Variants in TCF7L2 observed in about 807,000 individuals in gnomAD.
TCF7L2 encodes the protein transcription factor 7 like 2, also known as transcription factor 7-like 2.
In TCF7L2, 23 loss-of-function variants were observed where a neutral mutation model predicts 77.9. The ratio of observed to expected loss-of-function variants is 0.30; its 90% CI spans 0.21 to 0.42. The LOEUF is 0.42. TCF7L2 is among the 10% of genes least tolerant of loss of function. The pLI is 1.00. For synonymous variants in TCF7L2, 413 were observed against 340.2 expected (o/e 1.21, Z -2.36); for missense variants, 654 against 793.1 (o/e 0.82, Z 2.11).
chr10:113,104,025 C>T (rs990406987), intron 5 of TCF7L2, among the ~76,000 whole-genome samples: 4 of 152,126 alleles, frequency 2.6e-5, no homozygotes, highest in Admixed American at 6.5e-5. Context: ...ATAAGTTGTT[C>T]GCTTCACTCC....
chr10:113,155,308 A>T (rs971497553), intron 11 of TCF7L2, among the ~76,000 whole-genome samples: 4 of 152,282 alleles, frequency 2.6e-5, no homozygotes, highest in Admixed American at 6.5e-5. Flanking sequence ...TACACTGGGT[A>T]AAGGATAGAG....
intron 4 of TCF7L2, among the ~76,000 whole-genome samples, chr10:113,027,944 G>A (rs904044638): frequency 1.3e-5 from 2 of 152,186 alleles, no homozygotes; most frequent in African/African-American, 4.8e-5. Flanking sequence ...TAGACCCGTC[G>A]GGTCTGCAGT....
chr10:113,082,757 C>G (rs1403785793), intron 5 of TCF7L2, among the ~76,000 whole-genome samples: 1 of 152,092 alleles, frequency 6.6e-6, no homozygotes, highest in Non-Finnish European at 1.5e-5. Flanking sequence ...AAGGTCCTAA[C>G]AAACCCGCCC....
At chr10:113,157,841 G>A in intron 11 of TCF7L2, 180 bp from the exon 12 acceptor site, 1 of 597,946 alleles carries the variant, frequency 1.7e-6, no homozygotes, top group Non-Finnish European at 3.0e-6. Context: ...TCCAGCTGGG[G>A]TACAATGCAA....
At chr10:113,157,873 G>A in intron 11 of TCF7L2, 148 bp from the exon 12 acceptor site, 1 of 767,668 alleles carries the variant, frequency 1.3e-6, no homozygotes, top group South Asian at 1.7e-5. Flanking sequence ...TTGAAGCGGG[G>A]TTGGAGGTTG....
At chr10:113,030,349 C>T (rs74825300) in intron 4 of TCF7L2, among the ~76,000 whole-genome samples, 8,446 of 152,254 alleles carry the variant, frequency 0.055, 348 homozygotes, top group Non-Finnish European at 0.085. Flanking sequence ...CCAGAACATA[C>T]CATATTCAGC....
At chr10:113,087,653 G>A (rs1247313661) in intron 5 of TCF7L2, among the ~76,000 whole-genome samples, 1 of 151,628 alleles carries the variant, frequency 6.6e-6, no homozygotes, top group Non-Finnish European at 1.5e-5. Flanking sequence ...GTGGAGAACG[G>A]AGTACTTCCT....
At position 113,143,063 on chromosome 10, in the gene TCF7L2, C is replaced by T. The variant is rs2068665589; in HGVS notation, c.686-860C>T. ...TTCCCTCCATTACTCTGTTTTAATT[C>T]TGTGGTATTGTGCCTTTTGCCTCCC... On this transcript the variant is annotated intron_variant, in intron 6 of 13. Transcript: ENST00000627217. Among the ~76,000 whole-genome samples the T allele has an allele frequency of 4.6e-5, 7 of 152,350 alleles. No homozygotes were observed. The South Asian group carries it at 1.4e-3, about 32-fold the overall frequency.
At chr10:113,122,193 AT>A (rs1344792937) in intron 5 of TCF7L2, among the ~76,000 whole-genome samples, 1 of 152,208 alleles carries the variant, frequency 6.6e-6, no homozygotes, top group Non-Finnish European at 1.5e-5. Context: ...ACATAAGATT[AT>A]TTTTTAACCT....
intron 4 of TCF7L2, among the ~76,000 whole-genome samples, chr10:112,985,600 T>TC (rs1469292205): frequency 1.3e-5 from 2 of 152,328 alleles, no homozygotes; most frequent in South Asian, 2.1e-4. Flanking sequence ...CAATTCTTGA[T>TC]CCCCTTATGT....
Position 112,997,746 on chromosome 10 carries a change from T to A in TCF7L2, c.450+33122T>A, listed in dbSNP as rs988976789. Among the ~76,000 whole-genome samples the A allele has an allele frequency of 3.9e-5, 6 of 152,162 alleles. No homozygotes were observed. In the South Asian group the frequency reaches 1.0e-3, roughly 26 times the overall value. On this transcript the variant is annotated intron_variant, in intron 4 of 13. Transcript: ENST00000627217. ...TTTCCATCTTAGGACTGGAGTCAGGTGGAGCAAGATTCCATGTTGGTTTCT... is the reference window on the plus strand; with the variant it reads ...TTTCCATCTTAGGACTGGAGTCAGGAGGAGCAAGATTCCATGTTGGTTTCT...
chr10:113,142,279 C>A (rs1041282908), intron 6 of TCF7L2, among the ~76,000 whole-genome samples: 3 of 152,334 alleles, frequency 2.0e-5, no homozygotes, highest in Middle Eastern at 3.4e-3. Flanking sequence ...CATGAGCCAC[C>A]ACACCCAGCC....
intron 5 of TCF7L2, among the ~76,000 whole-genome samples, chr10:113,128,767 T>G (rs2066074690): frequency 6.6e-6 from 1 of 152,140 alleles, no homozygotes; most frequent in South Asian, 2.1e-4. Flanking sequence ...ACTCCCCTCC[T>G]TCATGTAAAA....
At chr10:113,002,955 T>G (rs1590253060) in intron 4 of TCF7L2, among the ~76,000 whole-genome samples, 1 of 152,342 alleles carries the variant, frequency 6.6e-6, no homozygotes, top group African/African-American at 2.4e-5. Flanking sequence ...TGGTGTTCTG[T>G]GCATGGATAT....
At chr10:112,952,229 G>A (rs2031877512) in intron 3 of TCF7L2, among the ~76,000 whole-genome samples, 1 of 152,208 alleles carries the variant, frequency 6.6e-6, no homozygotes, top group African/African-American at 2.4e-5. Flanking sequence ...GGGCGACTAT[G>A]TATTTAGCTT....
At chr10:113,002,548 G>C (rs1218397162) in intron 4 of TCF7L2, among the ~76,000 whole-genome samples, 1 of 152,078 alleles carries the variant, frequency 6.6e-6, no homozygotes, top group East Asian at 1.9e-4. Flanking sequence ...GTGTGGGGGT[G>C]TGTGTGTGTC....
chr10:113,076,899 C>G (rs1315990903), intron 5 of TCF7L2, among the ~76,000 whole-genome samples: 1 of 152,236 alleles, frequency 6.6e-6, no homozygotes, highest in Admixed American at 6.5e-5. Flanking sequence ...TCCCCCTCCC[C>G]TGCATTTTTA....
chr10:113,143,884 C>G (rs1266993466), intron 6 of TCF7L2, 39 bp from the exon 7 acceptor site: 10 of 1,536,596 alleles, frequency 6.5e-6, no homozygotes, highest in Non-Finnish European at 9.0e-6. Flanking sequence ...CTTTCCTTCT[C>G]TCCCTCCTTT....
At chr10:113,135,754 C>T (rs572426933) in intron 5 of TCF7L2, among the ~76,000 whole-genome samples, 2 of 152,286 alleles carry the variant, frequency 1.3e-5, no homozygotes, top group Non-Finnish European at 2.9e-5. Flanking sequence ...TGTAAAAATC[C>T]CTGCTAAAAA....
Sources: allele counts gnomAD v4.1 joint callset (sites outside exome capture counted in the v4.1 genomes callset), GRCh38; gene constraint gnomAD v4.1.1; transcripts MANE v1.5; gene names NCBI Gene and HGNC (gene_info 2026-07-23, HGNC 2026-07-21).